WWP1: variants seen among roughly 807,000 people sequenced by gnomAD.
The protein encoded by WWP1 is WW domain containing E3 ubiquitin protein ligase 1, also known as NEDD4-like E3 ubiquitin-protein ligase WWP1.
WWP1 carries 49 observed loss-of-function variants against 130.6 expected under a neutral mutation model. The ratio of observed to expected loss-of-function variants is 0.38; its 90% confidence interval spans 0.30 to 0.48. WWP1 has a LOEUF of 0.48. WWP1 is among the 20% of genes least tolerant of loss of function. The pLI is 0.99. For synonymous variants in WWP1, 332 were observed against 367.8 expected (o/e 0.90, Z 1.11); for missense variants, 809 against 1,100.6 (o/e 0.74, Z 3.75).
chr8:86,440,183 A>G (rs1283027459), intron 17 of WWP1, among the ~76,000 whole-genome samples: 1 of 152,194 alleles, frequency 6.6e-6, no homozygotes, highest in Non-Finnish European at 1.5e-5. Context: ...CTTTATTAAC[A>G]TTTACATTCT....
intron 1 of WWP1, among the ~76,000 whole-genome samples, chr8:86,354,607 T>C (rs540595860): frequency 2.2e-4 from 33 of 152,326 alleles, no homozygotes; most frequent in East Asian, 1.9e-3. Context: ...TGAATTAACA[T>C]TGTGTATCTA....
chr8:86,460,934 C>A (rs1054687145), intron 22 of WWP1, among the ~76,000 whole-genome samples: 2 of 150,880 alleles, frequency 1.3e-5, no homozygotes, highest in Non-Finnish European at 3.0e-5. Context: ...CTCAGCCTCT[C>A]GAGTAGCTGG....
intron 9 of WWP1, among the ~76,000 whole-genome samples, chr8:86,421,796 C>A (rs1212714706): frequency 6.6e-6 from 1 of 151,806 alleles, no homozygotes; most frequent in Admixed American, 6.6e-5. Context: ...GCATTCCAGC[C>A]TGGGGGACAG....
rs559795430 is a variant in WWP1, at chr8:86,387,854, C to T, written c.334+6225C>T. Among the ~76,000 whole-genome samples the T allele has an allele frequency of 5.3e-5, 8 of 152,264 alleles. No individual in the cohort carries two copies. The East Asian group carries it at 9.6e-4, about 18-fold the overall frequency. On this transcript the variant is annotated intron_variant, in intron 5 of 24. Transcript: ENST00000517970. ...TTTTATATTTTTATATAATTTTCTT[C>T]CATCTTCATAATGAAAAGTTAGCTT...
chr8:86,401,684 T>C (rs977804406), intron 7 of WWP1, among the ~76,000 whole-genome samples: 3 of 152,224 alleles, frequency 2.0e-5, no homozygotes, highest in African/African-American at 7.2e-5. Context: ...ATTTAAAATG[T>C]ACAATTTGAA....
chr8:86,353,479 T>C (rs1823064445), intron 1 of WWP1, among the ~76,000 whole-genome samples: 1 of 152,132 alleles, frequency 6.6e-6, no homozygotes, highest in African/African-American at 2.4e-5. Flanking sequence ...CATTTCTTTT[T>C]GAGGAGCCTA....
At chr8:86,423,974 C>CG (rs1409426964) in intron 9 of WWP1, among the ~76,000 whole-genome samples, 11 of 3,338 alleles carry the variant, frequency 3.3e-3, no homozygotes, top group Non-Finnish European at 7.7e-3. Flanking sequence ...CTTAAGTTAG[C>CG]GCTTATGGGG....
intron 5 of WWP1, among the ~76,000 whole-genome samples, chr8:86,396,161 C>T (rs1807650203): frequency 6.6e-6 from 1 of 151,552 alleles, no homozygotes; most frequent in Non-Finnish European, 1.5e-5. Context: ...TGCAGTGGCG[C>T]GATCTCAGCT....
chr8:86,405,326 ATTTT>A (rs35346142), intron 8 of WWP1, among the ~76,000 whole-genome samples: 190 of 128,864 alleles, frequency 1.5e-3, no homozygotes, highest in Middle Eastern at 4.3e-3. Context: ...AACCAAAAGG[ATTTT>A]TTTTTTTTTT....
intron 5 of WWP1, among the ~76,000 whole-genome samples, chr8:86,396,423 T>A (rs1807670676): frequency 6.6e-6 from 1 of 151,926 alleles, no homozygotes; most frequent in South Asian, 2.1e-4. Flanking sequence ...TGTGTGTGTG[T>A]GCTTTCGTAT....
chr8:86,369,179 C>T (rs1460748843), intron 2 of WWP1, 148 bp downstream of exon 2: 5 of 152,128 alleles, frequency 3.3e-5, no homozygotes, highest in East Asian at 1.9e-4. Context: ...TCAGTTTTCT[C>T]ATCTCTAAGA....
chr8:86,436,518 TC>T (rs1810295704), intron 16 of WWP1, among the ~76,000 whole-genome samples: 1 of 152,216 alleles, frequency 6.6e-6, no homozygotes, highest in South Asian at 2.1e-4. Flanking sequence ...GTGTATTTTG[TC>T]TTCCTTACTA....
chr8:86,451,681 A>G (rs1414038546), intron 20 of WWP1, among the ~76,000 whole-genome samples: 18 of 152,292 alleles, frequency 1.2e-4, no homozygotes, highest in Non-Finnish European at 1.9e-4. Flanking sequence ...CTAGAAAGCA[A>G]AAAGAAGAGT....
At chr8:86,370,374 A>G (rs761234925) in intron 2 of WWP1, among the ~76,000 whole-genome samples, 1 of 152,196 alleles carries the variant, frequency 6.6e-6, no homozygotes, top group Non-Finnish European at 1.5e-5. Flanking sequence ...CTCTGTAGTT[A>G]TTGCTGTATC....
At chr8:86,409,436 G>A (rs928256045) in intron 8 of WWP1, among the ~76,000 whole-genome samples, 3 of 150,306 alleles carry the variant, frequency 2.0e-5, no homozygotes, top group African/African-American at 4.9e-5. Context: ...GGGTTTCACC[G>A]TGTTGGTCAG....
At chr8:86,427,853 C>T (rs1358597042) in intron 11 of WWP1, 36 bp downstream of exon 11, 3 of 1,563,296 alleles carry the variant, frequency 1.9e-6, no homozygotes, top group Non-Finnish European at 2.6e-6. Flanking sequence ...ACATAACTTC[C>T]TCCCTCAGGT....
At chr8:86,378,328 A>AT (rs551785761) in intron 3 of WWP1, among the ~76,000 whole-genome samples, 6 of 151,960 alleles carry the variant, frequency 3.9e-5, no homozygotes, top group African/African-American at 9.6e-5. Context: ...ATATCATATC[A>AT]TTTTTTTTAA....
intron 1 of WWP1, among the ~76,000 whole-genome samples, chr8:86,368,128 T>A (rs1824075989): frequency 6.6e-6 from 1 of 152,206 alleles, no homozygotes; most frequent in Non-Finnish European, 1.5e-5. Flanking sequence ...CAATAAGTCA[T>A]CTTTATTGAG....
Position 86,438,681 on chromosome 8 carries a change from A to G in WWP1, c.1838+8A>G, listed in dbSNP as rs1189054724. On this transcript the variant is annotated splice_region_variant and intron_variant, in intron 17 of 24. Coordinates refer to ENST00000517970, the MANE Select transcript of WWP1 (RefSeq NM_007013.4). ...TTATGGTGGCCTAGCGAGGTAAAAT[A>G]AAAAACACATATCTGCCTTGAAATA... The G allele has an allele frequency of 1.9e-6, 3 of 1,590,222 alleles. No individual in the cohort carries two copies. The highest frequency in any genetic ancestry group is 2.6e-6 in the Non-Finnish European group (3 of 1,169,904).
Sources: allele counts gnomAD v4.1 joint callset (sites outside exome capture counted in the v4.1 genomes callset), GRCh38; gene constraint gnomAD v4.1.1; transcripts MANE v1.5; gene names NCBI Gene and HGNC (gene_info 2026-07-23, HGNC 2026-07-21).